STK39: variants seen among roughly 807,000 people sequenced by gnomAD.
STK39 encodes serine/threonine kinase 39, also known as STE20/SPS1-related proline-alanine-rich protein kinase.
A neutral mutation model predicts 77.8 loss-of-function variants in STK39; 20 were observed. The observed-to-expected ratio is 0.26, with a 90% CI of 0.18 to 0.37. The LOEUF is 0.37. Ranked by LOEUF, STK39 falls within the 10% of genes least tolerant of loss-of-function variation. The pLI, the probability that STK39 is intolerant of heterozygous loss-of-function variation, is 1.00. For synonymous variants in STK39, 246 were observed against 234.1 expected (o/e 1.05, Z -0.47); for missense variants, 479 against 656.5 (o/e 0.73, Z 2.95).
intron 1 of STK39, among the ~76,000 whole-genome samples, chr2:168,197,969 T>G (rs1344188046): frequency 6.8e-6 from 1 of 147,032 alleles, no homozygotes; most frequent in Non-Finnish European, 1.5e-5. Context: ...ACCCAGGAGG[T>G]AGAGGGTGCA....
At chr2:168,167,677 T>A (rs1288131150) in intron 2 of STK39, among the ~76,000 whole-genome samples, 1 of 152,178 alleles carries the variant, frequency 6.6e-6, no homozygotes, top group South Asian at 2.1e-4. Context: ...ATCACCCAGA[T>A]GACCCCCCAA....
At chr2:168,143,433 A>T (rs1809050) in intron 5 of STK39, among the ~76,000 whole-genome samples, 3,174 of 152,314 alleles carry the variant, frequency 0.021, 61 homozygotes, top group African/African-American at 0.049. Flanking sequence ...GACTTTCAGG[A>T]CAGGAGCGGT....
chr2:167,982,007 C>T (rs1483026719), intron 16 of STK39, among the ~76,000 whole-genome samples: 1 of 152,102 alleles, frequency 6.6e-6, no homozygotes, highest in Admixed American at 6.5e-5. Context: ...GACATACTGG[C>T]TAGTAGAGCT....
chr2:168,136,373 A>C (rs1336970263), intron 8 of STK39, among the ~76,000 whole-genome samples: 1 of 136,570 alleles, frequency 7.3e-6, no homozygotes, highest in Non-Finnish European at 1.5e-5. Context: ...GTCTCAAAAA[A>C]AAAAAAAAAA....
chr2:168,207,822 G>C (rs1689780360), intron 1 of STK39, among the ~76,000 whole-genome samples: 1 of 152,200 alleles, frequency 6.6e-6, no homozygotes, highest in African/African-American at 2.4e-5. Context: ...TTTGGACAGT[G>C]ATTTTTCCAA....
At chr2:167,994,266 C>T (rs558518900) in intron 16 of STK39, among the ~76,000 whole-genome samples, 4 of 152,058 alleles carry the variant, frequency 2.6e-5, no homozygotes, top group Non-Finnish European at 4.4e-5. Context: ...ATCTTCCTGG[C>T]TTCAAAGAAG....
intron 16 of STK39, among the ~76,000 whole-genome samples, chr2:167,971,434 C>T (rs557069234): frequency 3.5e-4 from 54 of 152,170 alleles, no homozygotes; most frequent in African/African-American, 1.2e-3. Flanking sequence ...TGTTCTACCC[C>T]TTTGTTTCAT....
chr2:168,136,899 G>A (rs1687855215), intron 8 of STK39, among the ~76,000 whole-genome samples: 1 of 152,124 alleles, frequency 6.6e-6, no homozygotes, highest in South Asian at 2.1e-4. Flanking sequence ...TAGTACACAG[G>A]TATGACAAAA....
intron 16 of STK39, among the ~76,000 whole-genome samples, chr2:167,999,789 A>C (rs1462569856): frequency 6.6e-6 from 1 of 152,144 alleles, no homozygotes; most frequent in East Asian, 1.9e-4. Flanking sequence ...TTATTGAATG[A>C]ATGAATGAAG....
In STK39 at chr2:168,166,836, G is replaced by T. The variant is rs368313735; in HGVS notation, c.430+463C>A. 2.2e-4 allele frequency among the ~76,000 whole-genome samples: 34 copies of T among 152,206 alleles called. No individual in the cohort carries two copies. The East Asian group carries it at 3.1e-3, about 14-fold the overall frequency. Reference sequence around the variant, plus strand: ...TGGCACTGAGATAATTCAGCAAACTGCAATGTGTTAAGGACCTGAACAATG... The same window carrying T: ...TGGCACTGAGATAATTCAGCAAACTTCAATGTGTTAAGGACCTGAACAATG... On this transcript the variant is annotated intron_variant, in intron 3 of 17. Transcript: ENST00000355999.
chr2:168,216,778 T>A (rs1690034871), intron 1 of STK39, among the ~76,000 whole-genome samples: 1 of 152,220 alleles, frequency 6.6e-6, no homozygotes, highest in Non-Finnish European at 1.5e-5. Context: ...GCATGGATGA[T>A]CTCATGAACA....
chr2:168,065,616 G>C (rs1685772865), intron 12 of STK39, among the ~76,000 whole-genome samples: 1 of 152,144 alleles, frequency 6.6e-6, no homozygotes, highest in African/African-American at 2.4e-5. Context: ...AAGAGAATCT[G>C]TGTCTTTACC....
chr2:168,108,694 C>G (rs952728678), intron 10 of STK39, among the ~76,000 whole-genome samples: 2 of 152,108 alleles, frequency 1.3e-5, no homozygotes, highest in Non-Finnish European at 2.9e-5. Flanking sequence ...GGTAAGAAAT[C>G]TGTACTAAAC....
At chr2:168,170,539 A>T (rs1406267605) in intron 2 of STK39, among the ~76,000 whole-genome samples, 1 of 152,214 alleles carries the variant, frequency 6.6e-6, no homozygotes, top group Non-Finnish European at 1.5e-5. Context: ...GCAGACTCCC[A>T]TTCGGAAGGG....
chr2:168,093,127 A>G (rs1483985004), intron 10 of STK39, among the ~76,000 whole-genome samples: 1 of 152,218 alleles, frequency 6.6e-6, no homozygotes, highest in African/African-American at 2.4e-5. Context: ...CATCTTCCAA[A>G]CAGTCTGTAA....
At chr2:168,244,359 G>A (rs1690845528) in intron 1 of STK39, among the ~76,000 whole-genome samples, 1 of 152,234 alleles carries the variant, frequency 6.6e-6, no homozygotes, top group African/African-American at 2.4e-5. Context: ...AGAAGGAAAT[G>A]AAGAAAAAGT....
At chr2:168,146,035 A>G (rs1688129107) in intron 5 of STK39, among the ~76,000 whole-genome samples, 1 of 152,230 alleles carries the variant, frequency 6.6e-6, no homozygotes, top group African/African-American at 2.4e-5. Flanking sequence ...AAAACAATCC[A>G]GTCCAGTCCA....
At position 168,091,718 on chromosome 2, in the gene STK39, A is replaced by G. The variant is rs1348002054; in HGVS notation, c.1090-16487T>C. On this transcript the variant is annotated intron_variant, in intron 10 of 17. Coordinates refer to ENST00000355999, the MANE Select transcript of STK39 (RefSeq NM_013233.3). ...TTTTAATGAAAATGTTCATAAATGC[A>G]TAAGGTGAAAATAGGATAACAAACC... Among the ~76,000 whole-genome samples the G allele has an allele frequency of 2.0e-5, 3 of 152,174 alleles. No individual in the cohort carries two copies. In the South Asian group the frequency reaches 6.2e-4, roughly 32 times the overall value.
intron 16 of STK39, among the ~76,000 whole-genome samples, chr2:167,999,035 G>A (rs896584268): frequency 8.0e-5 from 8 of 99,764 alleles, no homozygotes; most frequent in African/African-American, 2.5e-4. Context: ...TTCAGTTTTC[G>A]CAAGTCATTA....
Sources: allele counts gnomAD v4.1 joint callset (sites outside exome capture counted in the v4.1 genomes callset), GRCh38; gene constraint gnomAD v4.1.1; transcripts MANE v1.5; gene names NCBI Gene and HGNC (gene_info 2026-07-23, HGNC 2026-07-21).